Variants in TACR1 observed in about 807,000 individuals in gnomAD.
The protein encoded by TACR1 is tachykinin receptor 1, also known as substance-P receptor.
In TACR1, 25 loss-of-function variants were observed where a neutral mutation model predicts 35.8. The ratio of observed to expected loss-of-function variants is 0.70; its 90% CI spans 0.51 to 0.98. TACR1 has a LOEUF of 0.98. TACR1 is among the 50% of genes least tolerant of loss of function. The pLI is 0.00. For synonymous variants in TACR1, 195 were observed against 206.7 expected (o/e 0.94, Z 0.48); for missense variants, 478 against 522.9 (o/e 0.91, Z 0.84).
intron 1 of TACR1, among the ~76,000 whole-genome samples, chr2:75,173,421 A>AT (rs1675338583): frequency 1.3e-5 from 2 of 152,214 alleles, no homozygotes; most frequent in African/African-American, 2.4e-5. Flanking sequence ...TAACTATACT[A>AT]TACCTCATCA....
At chr2:75,150,937 C>G (rs1176341197) in intron 1 of TACR1, among the ~76,000 whole-genome samples, 1 of 152,172 alleles carries the variant, frequency 6.6e-6, no homozygotes, top group Non-Finnish European at 1.5e-5. Context: ...AAAGGTGACT[C>G]TTGTTATGTT....
At chr2:75,198,442 GC>G in intron 1 of TACR1, 103 bp downstream of exon 1, 2 of 1,353,280 alleles carry the variant, frequency 1.5e-6, no homozygotes, top group Non-Finnish European at 2.0e-6. Context: ...CCTCAGAGTG[GC>G]CAATCTTCCA....
chr2:75,049,872 G>T, intron 4 of TACR1, 149 bp from the exon 5 acceptor site: 1 of 958,010 alleles, frequency 1.0e-6, no homozygotes, highest in Non-Finnish European at 1.5e-6. Context: ...AGATGCTGAG[G>T]CCAAAAAGGC....
At chr2:75,184,394 GT>G (rs1675636599) in intron 1 of TACR1, among the ~76,000 whole-genome samples, 1 of 151,600 alleles carries the variant, frequency 6.6e-6, no homozygotes, top group South Asian at 2.1e-4. Flanking sequence ...AAAAAAAAAG[GT>G]GCTTATGATC....
intron 1 of TACR1, among the ~76,000 whole-genome samples, chr2:75,133,000 T>C (rs1279432094): frequency 2.0e-5 from 3 of 152,188 alleles, no homozygotes; most frequent in Admixed American, 6.5e-5. Context: ...ACTGAGGATA[T>C]AGCTTTTTGG....
intron 1 of TACR1, among the ~76,000 whole-genome samples, chr2:75,141,228 C>T (rs1292995664): frequency 1.3e-5 from 2 of 152,194 alleles, no homozygotes; most frequent in African/African-American, 2.4e-5. Flanking sequence ...TGCAAATCCA[C>T]ATTTATATGG....
rs11367021 is a variant in TACR1, at chr2:75,079,736, C to CTT, written c.585-25983_585-25982dup. Among the ~76,000 whole-genome samples, 321 of 114,168 alleles carry CTT rather than the reference C, an allele frequency of 2.8e-3. 10 individuals are homozygous for CTT. Among genetic ancestry groups the CTT allele is most frequent in the African/African-American group, 8.6e-3 (275 of 31,992 alleles). The allele number at this position is 114,168 out of a possible 152,430, so 74.9% of individuals were successfully genotyped here. A position where few individuals can be genotyped will look rare whatever the true frequency, so the allele number is the denominator to read the frequency against. Reference sequence around the variant, plus strand: ...CAAACTGTGCATCTAAACCTAATGCCTTTTTTTTTTTTTTTTTTTTTGGTC... The same window carrying CTT: ...CAAACTGTGCATCTAAACCTAATGCCTTTTTTTTTTTTTTTTTTTTTTTGGTC... On this transcript the variant is annotated intron_variant, in intron 2 of 4. Coordinates refer to ENST00000305249, the MANE Select transcript of TACR1 (RefSeq NM_001058.4).
intron 1 of TACR1, among the ~76,000 whole-genome samples, chr2:75,149,025 T>C (rs150084785): frequency 0.018 from 2,690 of 152,298 alleles, 87 homozygotes; most frequent in African/African-American, 0.061. Context: ...AAAGATCAGA[T>C]AGTTTTAGAT....
At chr2:75,159,432 A>C (rs565092622) in intron 1 of TACR1, among the ~76,000 whole-genome samples, 1 of 152,318 alleles carries the variant, frequency 6.6e-6, no homozygotes, top group African/African-American at 2.4e-5. Context: ...ACTAAGAAAA[A>C]ACAAAGAGAA....
chr2:75,080,536 G>A (rs972381587), intron 2 of TACR1, among the ~76,000 whole-genome samples: 1 of 152,106 alleles, frequency 6.6e-6, no homozygotes, highest in Non-Finnish European at 1.5e-5. Flanking sequence ...TTATATAAGA[G>A]CATTATTAAC....
chr2:75,183,458 G>A (rs979734152), intron 1 of TACR1, among the ~76,000 whole-genome samples: 7 of 152,184 alleles, frequency 4.6e-5, no homozygotes, highest in African/African-American at 1.2e-4. Flanking sequence ...CTTGTCAAAT[G>A]TCTTACAAAA....
rs1031558758 is a variant in TACR1 at position 75,049,074 on chromosome 2, T to C, written c.*358A>G. 1.6e-4 allele frequency: 33 copies of C among 208,076 alleles called. No individual in the cohort carries two copies. The highest frequency in any genetic ancestry group is 7.6e-4 in the African/African-American group (33 of 43,450). The allele number at this position is 208,076 out of a possible 1,614,324, so 12.9% of individuals were successfully genotyped here. A position where few individuals can be genotyped will look rare whatever the true frequency, so the allele number is the denominator to read the frequency against. On this transcript the variant is annotated 3_prime_UTR_variant, in exon 5 of 5. Transcript: ENST00000305249. ...ACACGGGGCTCCAGGAAAATGAGTC[T>C]TCCGGGTCCGCAGCTGTGCTGCAGA...
chr2:75,151,931 C>A (rs562276712), intron 1 of TACR1, among the ~76,000 whole-genome samples: 38 of 152,298 alleles, frequency 2.5e-4, no homozygotes, highest in African/African-American at 9.1e-4. Context: ...GGAGATCATT[C>A]TGGAACTTTA....
chr2:75,196,447 AC>A (rs1396230004), intron 1 of TACR1, among the ~76,000 whole-genome samples: 1 of 151,864 alleles, frequency 6.6e-6, no homozygotes, highest in African/African-American at 2.4e-5. Flanking sequence ...GCCATTGGTA[AC>A]CTCCCTGGGC....
chr2:75,194,184 C>CG (rs1171391098), intron 1 of TACR1, among the ~76,000 whole-genome samples: 1 of 151,840 alleles, frequency 6.6e-6, no homozygotes, highest in Non-Finnish European at 1.5e-5. Flanking sequence ...GCAAGTGTAA[C>CG]GGAGCAGCTC....
chr2:75,111,694 A>G (rs1343682407), intron 2 of TACR1, among the ~76,000 whole-genome samples: 1 of 152,012 alleles, frequency 6.6e-6, no homozygotes, highest in South Asian at 2.1e-4. Context: ...GTTAACAGAA[A>G]AAGTCAGAAT....
intron 2 of TACR1, among the ~76,000 whole-genome samples, chr2:75,055,115 G>A (rs1672544484): frequency 6.6e-6 from 1 of 152,026 alleles, no homozygotes. Context: ...CTTCCCCTCT[G>A]TTTACCATTC....
intron 2 of TACR1, among the ~76,000 whole-genome samples, chr2:75,083,910 C>A (rs1379273423): frequency 5.3e-5 from 8 of 152,036 alleles, no homozygotes; most frequent in Non-Finnish European, 1.2e-4. Flanking sequence ...TAATTGAATA[C>A]CCTTTATTTC....
At chr2:75,195,506 C>G (rs905790059) in intron 1 of TACR1, among the ~76,000 whole-genome samples, 6 of 151,898 alleles carry the variant, frequency 4.0e-5, no homozygotes, top group African/African-American at 1.5e-4. Flanking sequence ...TGAAGTTTTT[C>G]TCCGCATATA....
Sources: allele counts gnomAD v4.1 joint callset (sites outside exome capture counted in the v4.1 genomes callset), GRCh38; gene constraint gnomAD v4.1.1; transcripts MANE v1.5; gene names NCBI Gene and HGNC (gene_info 2026-07-23, HGNC 2026-07-21).